Variants in TIMP3 observed in about 807,000 individuals in gnomAD.
TIMP3 encodes the protein TIMP metallopeptidase inhibitor 3.
TIMP3 carries 11 observed loss-of-function variants against 30.0 expected under a neutral mutation model. The ratio of observed to expected loss-of-function variants is 0.37; its 90% CI spans 0.23 to 0.61. The LOEUF (loss-of-function observed/expected upper bound fraction) is 0.61, where lower values mean the gene tolerates loss of function less well. Ranked by LOEUF, TIMP3 falls within the 20% of genes least tolerant of loss-of-function variation. TIMP3 has a pLI of 0.70. For missense variants in TIMP3, 181 were observed against 276.8 expected (o/e 0.65, Z 2.45); for synonymous variants, 112 against 111.3 (o/e 1.01, Z -0.04).
intron 1 of TIMP3, among the ~76,000 whole-genome samples, chr22:32,825,243 T>A (rs1044577119): frequency 3.3e-5 from 5 of 152,176 alleles, no homozygotes; most frequent in East Asian, 3.8e-4. Flanking sequence ...GTCTGCAGGG[T>A]GGCCAGCTGA....
At position 32,849,435 on chromosome 22, in the gene TIMP3, T is replaced by A; in HGVS notation, c.122-17T>A. 6.2e-7 allele frequency: 1 copy of A among 1,612,234 alleles called. No individual in the cohort carries two copies. Among genetic ancestry groups the A allele is most frequent in the Non-Finnish European group, 8.5e-7 (1 of 1,179,070 alleles). On this transcript the variant is annotated splice_polypyrimidine_tract_variant and intron_variant, in intron 1 of 4. Coordinates refer to ENST00000266085, the MANE Select transcript of TIMP3 (RefSeq NM_000362.5). ...CAGGCCTTCCTAACCTCTTATTGTC[T>A]CCTTCTGTCTCTGCAGTGATCCGGG...
intron 2 of TIMP3, among the ~76,000 whole-genome samples, chr22:32,855,718 G>A (rs1569278803): frequency 6.6e-6 from 1 of 152,090 alleles, no homozygotes; most frequent in Non-Finnish European, 1.5e-5. Flanking sequence ...GGGATGTTTA[G>A]CAACCTCCCT....
intron 1 of TIMP3, among the ~76,000 whole-genome samples, chr22:32,834,667 T>C (rs1024380969): frequency 1.3e-5 from 2 of 152,210 alleles, no homozygotes; most frequent in East Asian, 1.9e-4. Context: ...GAAGCAGGCA[T>C]GTGCAGTTTA....
chr22:32,838,943 C>T (rs868689995), intron 1 of TIMP3, among the ~76,000 whole-genome samples: 1 of 151,376 alleles, frequency 6.6e-6, no homozygotes, highest in African/African-American at 2.4e-5. Context: ...TTAAAGAACA[C>T]GTGCTGGAAG....
At position 32,847,641 on chromosome 22, in the gene TIMP3, A is replaced by T. The variant is rs575785745; in HGVS notation, c.122-1811A>T. The stretch of plus-strand genomic sequence containing the variant: ...GAGATTAGAGTCAAATAACTGGGAT[A>T]CATAGTGGAGCATCCACAATGAGGA... On this transcript the variant is annotated intron_variant, in intron 1 of 4. Coordinates refer to ENST00000266085, the MANE Select transcript of TIMP3 (RefSeq NM_000362.5). Among the ~76,000 whole-genome samples the T allele has an allele frequency of 3.3e-5, 5 of 152,356 alleles. No homozygotes were observed. In the South Asian group the frequency reaches 1.0e-3, roughly 32 times the overall value.
chr22:32,846,796 G>C (rs1326742540), intron 1 of TIMP3, among the ~76,000 whole-genome samples: 3 of 152,230 alleles, frequency 2.0e-5, no homozygotes, highest in Non-Finnish European at 2.9e-5. Context: ...CAGGAGGAAA[G>C]AGCCCCAGAG....
intron 1 of TIMP3, 91 bp downstream of exon 1, chr22:32,802,213 T>A: frequency 6.7e-7 from 1 of 1,497,364 alleles, no homozygotes; most frequent in Non-Finnish European, 8.9e-7. Flanking sequence ...ACTCCTTTCC[T>A]CTGCCCCAGG....
At chr22:32,848,925 GA>G (rs1211996033) in intron 1 of TIMP3, among the ~76,000 whole-genome samples, 1 of 152,184 alleles carries the variant, frequency 6.6e-6, no homozygotes, top group Admixed American at 6.5e-5. Context: ...GGCTCAATCA[GA>G]ATGCTAACTG....
At chr22:32,810,475 C>A (rs921941066) in intron 1 of TIMP3, among the ~76,000 whole-genome samples, 1 of 148,832 alleles carries the variant, frequency 6.7e-6, no homozygotes, top group Non-Finnish European at 1.5e-5. Flanking sequence ...CCTCAGAGAG[C>A]CCAAGGTAAA....
At chr22:32,814,362 A>AAGAAAGG (rs2047033372) in intron 1 of TIMP3, among the ~76,000 whole-genome samples, 4 of 88,954 alleles carry the variant, frequency 4.5e-5, no homozygotes, top group South Asian at 3.4e-4. Flanking sequence ...AGAAAGAAAG[A>AAGAAAGG]AAGAAAGAAA....
intron 1 of TIMP3, among the ~76,000 whole-genome samples, chr22:32,804,559 A>G (rs1429097441): frequency 6.6e-6 from 1 of 152,166 alleles, no homozygotes; most frequent in Non-Finnish European, 1.5e-5. Context: ...ATGTTGGCCT[A>G]GCAAAAGGCA....
At chr22:32,833,548 C>A (rs993184785) in intron 1 of TIMP3, among the ~76,000 whole-genome samples, 1 of 152,142 alleles carries the variant, frequency 6.6e-6, no homozygotes, top group African/African-American at 2.4e-5. Flanking sequence ...CACTGAGTGA[C>A]CCTGAAGGTC....
intron 2 of TIMP3, 123 bp downstream of exon 2, chr22:32,849,657 C>A: frequency 1.2e-6 from 1 of 846,082 alleles, no homozygotes; most frequent in South Asian, 1.4e-5. Context: ...CAGACCCAGC[C>A]CTTCTGCCTG....
In TIMP3 at chr22:32,858,094, C is replaced by A; in HGVS notation, c.394C>A (p.Arg132Ser). 6.2e-7 allele frequency: 1 copy of A among 1,614,172 alleles called. No homozygotes were observed. Among genetic ancestry groups the A allele is most frequent in the Non-Finnish European group, 8.5e-7 (1 of 1,180,026 alleles). Residue 132 changes from arginine to serine, a missense_variant, in exon 4 of 5, where the codon CGC becomes AGC. By Grantham distance (110) the Arg-to-Ser change is moderately radical. Transcript: ENST00000266085. Reference protein sequence around the residue: ...ERWDQLTLSQRKGLNYRYHLG... With the variant: ...ERWDQLTLSQSKGLNYRYHLG... The stretch of plus-strand genomic sequence containing the variant: ...GTGGGACCAGCTCACCCTCTCCCAG[C>A]GCAAGGGGCTGAACTATCGGTATCA...
rs905177237 is a variant in TIMP3 at position 32,843,719 on chromosome 22, T to C, written c.122-5733T>C. ...GATGCGAGCCCATGGTCCAGGCTTT[T>C]CTTCCTACCTAGAGCCTGCCTGCTG... On this transcript the variant is annotated intron_variant, in intron 1 of 4. Coordinates refer to ENST00000266085, the MANE Select transcript of TIMP3 (RefSeq NM_000362.5). Among the ~76,000 whole-genome samples the C allele has an allele frequency of 3.1e-4, 47 of 152,174 alleles. 1 individual carries two copies. Among genetic ancestry groups the C allele is most frequent in the African/African-American group, 1.1e-3 (47 of 41,442 alleles).
chr22:32,847,456 T>G (rs992838031), intron 1 of TIMP3, among the ~76,000 whole-genome samples: 1 of 152,202 alleles, frequency 6.6e-6, no homozygotes, highest in Non-Finnish European at 1.5e-5. Context: ...CTGTGTGTTT[T>G]GCCATCGCCG....
intron 1 of TIMP3, among the ~76,000 whole-genome samples, chr22:32,817,201 G>A (rs1199345682): frequency 2.0e-5 from 3 of 151,238 alleles, no homozygotes; most frequent in Admixed American, 6.6e-5. Context: ...CAGGGTGACA[G>A]AGCAAGACTC....
intron 1 of TIMP3, among the ~76,000 whole-genome samples, chr22:32,806,164 A>G (rs1384614437): frequency 6.6e-6 from 1 of 151,898 alleles, no homozygotes; most frequent in Non-Finnish European, 1.5e-5. Flanking sequence ...AGTGGGAGGT[A>G]CCCGGTCTGC....
At chr22:32,826,318 A>C (rs907668779) in intron 1 of TIMP3, among the ~76,000 whole-genome samples, 2 of 152,154 alleles carry the variant, frequency 1.3e-5, no homozygotes, top group Non-Finnish European at 2.9e-5. Context: ...AATCCCAGCC[A>C]TTCAGGAGGC....
Sources: gnomAD v4.1 joint callset for allele counts (sites outside exome capture counted in the v4.1 genomes callset) on GRCh38, gnomAD v4.1.1 for gene constraint, MANE v1.5 for transcripts, NCBI Gene and HGNC (gene_info 2026-07-23, HGNC 2026-07-21) for gene names.